DHRS4L2: variants seen among roughly 807,000 people sequenced by gnomAD.
The protein encoded by DHRS4L2 is dehydrogenase/reductase 4 like 2.
In DHRS4L2, 22 loss-of-function variants were observed where a neutral mutation model predicts 23.9. The ratio of observed to expected loss-of-function variants is 0.92; its 90% CI spans 0.66 to 1.31. DHRS4L2 has a LOEUF of 1.31. Among genes scored for constraint, DHRS4L2 ranks in the 40% most tolerant of loss-of-function variants. The probability of loss-of-function intolerance (pLI) is 0.00; values close to 1 mark genes in which losing one functional copy is unlikely to be tolerated. For synonymous variants in DHRS4L2, 141 were observed against 123.7 expected (o/e 1.14, Z -0.93); for missense variants, 385 against 303.3 (o/e 1.27, Z -2.00).
At chr14:23,995,308 C>T (rs1202957312) in intron 3 of DHRS4L2, among the ~76,000 whole-genome samples, 175 bp downstream of exon 3, 3 of 151,688 alleles carry the variant, frequency 2.0e-5, no homozygotes, top group Admixed American at 2.0e-4. Flanking sequence ...CTTTCTCTGC[C>T]CTTCTCATTC....
chr14:23,976,129 C>T (rs935022648), intron 1 of DHRS4L2, among the ~76,000 whole-genome samples: 1 of 151,620 alleles, frequency 6.6e-6, no homozygotes, highest in Non-Finnish European at 1.5e-5. Context: ...AACTAAAGAG[C>T]TTCTGCACAG....
chr14:23,995,136 G>C lies in DHRS4L2; in HGVS notation c.408+3G>C, dbSNP rs1163517985. 3 of 1,612,482 alleles carry C rather than the reference G, an allele frequency of 1.9e-6. No homozygotes were observed. In the African/African-American group the frequency reaches 4.0e-5, roughly 22 times the overall value. ...TCACCGAGGAGGTGTGGGACAAGGT[G>C]AGAGGGGATTAAAGAAGCGCGGAAG... On this transcript the variant is annotated splice_donor_region_variant and intron_variant, in intron 3 of 7. Transcript: ENST00000335125.
chr14:23,994,714 G>T (rs573954624), intron 2 of DHRS4L2, among the ~76,000 whole-genome samples: 3 of 151,734 alleles, frequency 2.0e-5, no homozygotes, highest in Admixed American at 6.6e-5. Flanking sequence ...ACCTTAAATG[G>T]TTAGCGGCAG....
chr14:23,997,027 C>T (rs1421260237), intron 3 of DHRS4L2, among the ~76,000 whole-genome samples: 19 of 150,170 alleles, frequency 1.3e-4, no homozygotes, highest in African/African-American at 3.2e-4. Flanking sequence ...AGTACAGGCA[C>T]GCCTCAGAGA....
At chr14:23,981,992 G>A (rs1270708698) in intron 1 of DHRS4L2, among the ~76,000 whole-genome samples, 1 of 151,666 alleles carries the variant, frequency 6.6e-6, no homozygotes, top group Non-Finnish European at 1.5e-5. Context: ...CCAGGGGCAG[G>A]CAGGAGACAG....
chr14:24,001,184 C>T, intron 5 of DHRS4L2, 100 bp downstream of exon 5: 2 of 1,602,520 alleles, frequency 1.2e-6, no homozygotes, highest in South Asian at 1.1e-5. Flanking sequence ...TGTAGAATCA[C>T]ACCACCAAGT....
At chr14:23,987,294 C>A (rs1192235741), upstream of DHRS4L2, 36 of 274,688 alleles carry the variant, frequency 1.3e-4, no homozygotes, top group Admixed American at 4.2e-4. Flanking sequence ...CCACGCCCGG[C>A]TAATTTTTTG....
intron 1 of DHRS4L2, among the ~76,000 whole-genome samples, chr14:23,989,518 A>G (rs2034221651): frequency 6.6e-6 from 1 of 151,582 alleles, no homozygotes; most frequent in Admixed American, 6.6e-5. Context: ...CACCAGAGCC[A>G]TGTGTCGAGA....
At chr14:23,988,749 C>T, upstream of DHRS4L2, 16 of 1,380,226 alleles carry the variant, frequency 1.2e-5, no homozygotes, top group Non-Finnish European at 1.5e-5. Flanking sequence ...AGGCAAGCCC[C>T]AGTCAGGCGG....
intron 2 of DHRS4L2, among the ~76,000 whole-genome samples, chr14:23,991,798 A>G (rs1274230883): frequency 6.7e-6 from 1 of 148,996 alleles, no homozygotes; most frequent in Non-Finnish European, 1.5e-5. Context: ...GTGATATGGC[A>G]CAATCTCAGC....
intron 2 of DHRS4L2, among the ~76,000 whole-genome samples, chr14:23,994,043 G>A (rs1292739531): frequency 2.6e-5 from 4 of 151,708 alleles, no homozygotes; most frequent in Non-Finnish European, 5.9e-5. Flanking sequence ...ATAAGATCTT[G>A]AGAAAATTCT....
At chr14:23,992,137 T>C (rs1009267735) in intron 2 of DHRS4L2, among the ~76,000 whole-genome samples, 1 of 151,688 alleles carries the variant, frequency 6.6e-6, no homozygotes, top group East Asian at 1.9e-4. Flanking sequence ...TGTGAGGTTT[T>C]GAGCAAGAGA....
intron 5 of DHRS4L2, 60 bp downstream of exon 5, chr14:24,001,144 T>A: frequency 6.2e-7 from 1 of 1,609,004 alleles, no homozygotes; most frequent in Non-Finnish European, 8.5e-7. Context: ...TTTCCACCCC[T>A]CCTATTACCC....
chr14:23,970,291 G>A (rs1212820536), exon 1 of DHRS4L2: 12 of 448,144 alleles, frequency 2.7e-5, no homozygotes, highest in Admixed American at 9.5e-5. Flanking sequence ...TCCTGACATC[G>A]CTGTCCCTGG....
chr14:23,990,224 C>A lies in DHRS4L2; in HGVS notation c.171C>A (p.Ala57=), dbSNP rs143357796. The A allele has an allele frequency of 1.3e-4, 208 of 1,612,728 alleles. 1 individual carries two copies. The highest frequency in any genetic ancestry group is 1.6e-4 in the Non-Finnish European group (188 of 1,179,388). ...CCCGGCGTTTGGCCCAGGACAGGGC[C>A]CACGTGGTCGTCAGCAGCCGGAAGC... ...AIARRLAQDR[A]HVVVSSRKQQ... Residue 57 remains alanine, a synonymous_variant, in exon 2 of 8, where the codon GCC becomes GCA. Transcript: ENST00000335125.
chr14:23,981,965 A>G (rs1442669265), intron 1 of DHRS4L2, among the ~76,000 whole-genome samples: 1 of 151,670 alleles, frequency 6.6e-6, no homozygotes, highest in Admixed American at 6.6e-5. Flanking sequence ...CGTGTTTTAT[A>G]CCAAGACACT....
chr14:23,975,938 C>T (rs372900963), intron 1 of DHRS4L2, among the ~76,000 whole-genome samples: 1 of 151,528 alleles, frequency 6.6e-6, no homozygotes, highest in Non-Finnish European at 1.5e-5. Flanking sequence ...GTTCCTTACA[C>T]CTTATACTAA....
At chr14:24,004,247 C>T (rs1475547352) in intron 6 of DHRS4L2, 90 bp from the exon 7 acceptor site, 3 of 1,418,698 alleles carry the variant, frequency 2.1e-6, no homozygotes, top group Non-Finnish European at 2.7e-6. Flanking sequence ...CCGGCCTGGG[C>T]AAAAGAGCAA....
intron 1 of DHRS4L2, among the ~76,000 whole-genome samples, chr14:23,989,290 G>T (rs1305397598): frequency 6.6e-6 from 1 of 151,636 alleles, no homozygotes; most frequent in Non-Finnish European, 1.5e-5. Context: ...TGGCACAACT[G>T]TGCCACCTCT....
Sources: gnomAD v4.1 joint callset for allele counts (sites outside exome capture counted in the v4.1 genomes callset) on GRCh38, gnomAD v4.1.1 for gene constraint, MANE v1.5 for transcripts, NCBI Gene and HGNC (gene_info 2026-07-23, HGNC 2026-07-21) for gene names.